GRM8: variants seen among roughly 807,000 people sequenced by gnomAD.
The protein encoded by GRM8 is metabotropic glutamate receptor 8.
GRM8 carries 47 observed loss-of-function variants against 87.2 expected under a neutral mutation model. That is an observed-to-expected ratio of 0.54 (90% confidence interval 0.43 to 0.69). The LOEUF (loss-of-function observed/expected upper bound fraction) is 0.69. Among genes scored for constraint, GRM8 ranks in the 30% least tolerant of loss-of-function variants. The pLI is 0.00. For missense variants in GRM8, 1,019 were observed against 1,139.2 expected (o/e 0.89, Z 1.52); for synonymous variants, 396 against 404.5 (o/e 0.98, Z 0.25).
intron 6 of GRM8, among the ~76,000 whole-genome samples, chr7:126,809,558 C>G (rs575942520): frequency 6.6e-6 from 1 of 152,276 alleles, no homozygotes; most frequent in African/African-American, 2.4e-5. Context: ...CTTTGTAACA[C>G]TCCCGTTCTG....
intron 2 of GRM8, among the ~76,000 whole-genome samples, chr7:127,242,159 GTTA>G (rs1387267775): frequency 1.3e-5 from 2 of 152,140 alleles, no homozygotes; most frequent in Admixed American, 1.3e-4. Flanking sequence ...CTCTATTGTA[GTTA>G]TAATAAGCCT....
intron 9 of GRM8, among the ~76,000 whole-genome samples, chr7:126,487,429 G>A (rs1456575391): frequency 6.6e-6 from 1 of 151,762 alleles, no homozygotes; most frequent in African/African-American, 2.4e-5. Flanking sequence ...CACACGAGAC[G>A]GAAGTAATAT....
chr7:126,688,526 A>G (rs1390630328), intron 7 of GRM8, among the ~76,000 whole-genome samples: 3 of 152,162 alleles, frequency 2.0e-5, no homozygotes, highest in African/African-American at 7.2e-5. Context: ...GTGGTTTATA[A>G]AAAGAGTGAA....
chr7:126,527,358 A>AAAAAG (rs899120970), intron 9 of GRM8, among the ~76,000 whole-genome samples: 18 of 152,326 alleles, frequency 1.2e-4, no homozygotes, highest in African/African-American at 2.4e-4. Flanking sequence ...ACTTCATCTC[A>AAAAAG]AAAAGAAAAG....
intron 6 of GRM8, among the ~76,000 whole-genome samples, chr7:126,896,856 T>G (rs1350569150): frequency 6.6e-6 from 1 of 152,174 alleles, no homozygotes; most frequent in East Asian, 1.9e-4. Flanking sequence ...CCCAGTCTCC[T>G]GGCTGAGAAT....
chr7:126,543,379 A>G, intron 8 of GRM8, among the ~76,000 whole-genome samples: 1 of 152,206 alleles, frequency 6.6e-6, no homozygotes, highest in East Asian at 1.9e-4. Context: ...TGATTCTGAC[A>G]CATGCAAGTA....
rs577018526 is a variant in GRM8 at position 126,883,196 on chromosome 7, C to G, written c.1156+19346G>C. Among the ~76,000 whole-genome samples, 190 of 152,258 alleles carry G rather than the reference C, an allele frequency of 1.2e-3. 4 individuals carry two copies. In the South Asian group the frequency reaches 0.039, roughly 31 times the overall value. On this transcript the variant is annotated intron_variant, in intron 6 of 10. Transcript: ENST00000339582. ...AACTAATTTAGGTGTTTAGATAAATCATTCCAAGTCTCTTTTGTCTGCTTA... is the reference window on the plus strand; with the variant it reads ...AACTAATTTAGGTGTTTAGATAAATGATTCCAAGTCTCTTTTGTCTGCTTA...
intron 3 of GRM8, among the ~76,000 whole-genome samples, chr7:126,970,494 T>C (rs1051817022): frequency 2.0e-5 from 3 of 152,148 alleles, no homozygotes; most frequent in African/African-American, 7.2e-5. Flanking sequence ...CCTTCCTTTA[T>C]AAAATTGAGG....
chr7:126,818,173 T>C (rs1196716951), intron 6 of GRM8, among the ~76,000 whole-genome samples: 19 of 152,166 alleles, frequency 1.2e-4, no homozygotes, highest in Admixed American at 5.9e-4. Flanking sequence ...CTCTTTAATA[T>C]CTTAATAGAA....
chr7:126,474,250 A>G (rs1037111615), intron 9 of GRM8, among the ~76,000 whole-genome samples: 83 of 149,098 alleles, frequency 5.6e-4, no homozygotes, highest in Non-Finnish European at 1.0e-3. Context: ...ATGTTTGTGC[A>G]TGTGTGTGTG....
intron 3 of GRM8, among the ~76,000 whole-genome samples, chr7:127,001,552 C>A (rs757803100): frequency 6.6e-6 from 1 of 151,736 alleles, no homozygotes; most frequent in Admixed American, 6.6e-5. Flanking sequence ...ATTACAAAGT[C>A]ATTAGAATGG....
intron 3 of GRM8, chr7:127,084,819 T>C (rs1270549595): frequency 6.6e-6 from 1 of 152,214 alleles, no homozygotes; most frequent in Non-Finnish European, 1.5e-5. Context: ...CAGGTTGTTT[T>C]TTGTTTTTAA....
At chr7:126,877,654 G>T (rs1799647195) in intron 6 of GRM8, among the ~76,000 whole-genome samples, 1 of 152,112 alleles carries the variant, frequency 6.6e-6, no homozygotes, top group Admixed American at 6.5e-5. Flanking sequence ...GATATGACTT[G>T]TTCTTCAAGA....
chr7:126,517,859 A>C (rs1036306349), intron 9 of GRM8, among the ~76,000 whole-genome samples: 1 of 152,080 alleles, frequency 6.6e-6, no homozygotes, highest in African/African-American at 2.4e-5. Flanking sequence ...AAAGGAAGAG[A>C]ACTCGTCACC....
At chr7:126,930,114 C>T (rs1349967700) in intron 3 of GRM8, among the ~76,000 whole-genome samples, 4 of 152,086 alleles carry the variant, frequency 2.6e-5, no homozygotes, top group African/African-American at 9.7e-5. Flanking sequence ...TGGAGCAAAG[C>T]CCTTACTGAG....
At chr7:127,235,547 T>C (rs1335064560) in intron 2 of GRM8, among the ~76,000 whole-genome samples, 3 of 152,208 alleles carry the variant, frequency 2.0e-5, no homozygotes, top group Non-Finnish European at 2.9e-5. Flanking sequence ...AAAAAACAAA[T>C]TTGAAGAGCA....
intron 3 of GRM8, among the ~76,000 whole-genome samples, chr7:127,049,745 G>A (rs1485539233): frequency 6.6e-6 from 1 of 152,140 alleles, no homozygotes; most frequent in Admixed American, 6.6e-5. Context: ...GTGGAGGGAC[G>A]ATGGTCACAG....
chr7:126,750,143 T>G (rs1008329102), intron 7 of GRM8, among the ~76,000 whole-genome samples: 5 of 151,954 alleles, frequency 3.3e-5, no homozygotes, highest in African/African-American at 1.2e-4. Flanking sequence ...AAAAGGGAGG[T>G]GGGCAATGAA....
intron 8 of GRM8, among the ~76,000 whole-genome samples, chr7:126,582,232 T>G (rs899016115): frequency 3.3e-5 from 5 of 152,160 alleles, no homozygotes; most frequent in African/African-American, 1.2e-4. Flanking sequence ...ACAGCCTTAT[T>G]GCTGATATGG....
Sources: allele counts gnomAD v4.1 joint callset (sites outside exome capture counted in the v4.1 genomes callset), GRCh38; gene constraint gnomAD v4.1.1; transcripts MANE v1.5; gene names NCBI Gene and HGNC (gene_info 2026-07-23, HGNC 2026-07-21).